Variants in SNAP29 observed in about 807,000 individuals in gnomAD.
The protein encoded by SNAP29 is synaptosome associated protein 29.
In SNAP29, 13 loss-of-function variants were observed where a neutral mutation model predicts 27.9. That is an observed-to-expected ratio of 0.47 (90% CI 0.30 to 0.74). The LOEUF (loss-of-function observed/expected upper bound fraction) is 0.74, where lower values mean the gene tolerates loss of function less well. SNAP29 is among the 30% of genes least tolerant of loss of function. SNAP29 has a pLI of 0.06. For missense variants in SNAP29, 368 were observed against 336.5 expected (o/e 1.09, Z -0.73); for synonymous variants, 119 against 127.1 (o/e 0.94, Z 0.43).
rs1929122832 is a variant in SNAP29 at position 20,890,484 on chromosome 22, G to T, written c.*2648G>T. ...CTAACTTAAAAAATAGTGGCTGGGC[G>T]CGGTGGCTCATGCCTGTAATCCCAG... On this transcript the variant is annotated 3_prime_UTR_variant, in exon 5 of 5. Transcript: ENST00000215730. 2.5e-6 allele frequency: 1 copy of T among 394,288 alleles called. No individual in the cohort carries two copies. The allele number at this position is 394,288 out of a possible 1,614,324, so 24.4% of individuals were successfully genotyped here. A position where few individuals can be genotyped will look rare whatever the true frequency, so the allele number is the denominator to read the frequency against.
chr22:20,859,480 ATGG>A (rs1928172994), intron 1 of SNAP29, 133 bp downstream of exon 1: 1 of 733,740 alleles, frequency 1.4e-6, no homozygotes, highest in Admixed American at 2.1e-5. Flanking sequence ...TAGTGACTCG[ATGG>A]TGGTAACAAT....
At chr22:20,878,687 G>C (rs1306995946) in intron 2 of SNAP29, among the ~76,000 whole-genome samples, 1 of 152,178 alleles carries the variant, frequency 6.6e-6, no homozygotes, top group African/African-American at 2.4e-5. Flanking sequence ...GCGCTGTGCA[G>C]GGGGAGGGCA....
intron 2 of SNAP29, among the ~76,000 whole-genome samples, chr22:20,878,523 C>T (rs374084633): frequency 2.0e-5 from 3 of 151,604 alleles, no homozygotes; most frequent in South Asian, 2.1e-4. Flanking sequence ...GCTTGCAGTG[C>T]GTGGAGATCA....
chr22:20,861,431 T>A (rs913935414), intron 1 of SNAP29, among the ~76,000 whole-genome samples: 7 of 151,958 alleles, frequency 4.6e-5, no homozygotes, highest in African/African-American at 1.7e-4. Context: ...TGTTTAACTG[T>A]TGGTTTTTTA....
chr22:20,878,540 T>C (rs1928804216), intron 2 of SNAP29, among the ~76,000 whole-genome samples: 2 of 151,872 alleles, frequency 1.3e-5, no homozygotes, highest in Non-Finnish European at 2.9e-5. Flanking sequence ...ATCACGCCAC[T>C]GCACTCCAGC....
Position 20,890,430 on chromosome 22 carries a change from T to A in SNAP29, c.*2594T>A, listed in dbSNP as rs1929121969. On this transcript the variant is annotated 3_prime_UTR_variant, in exon 5 of 5. Coordinates refer to ENST00000215730, the MANE Select transcript of SNAP29 (RefSeq NM_004782.4). ...GCCTTCAAAAAATGACTTTTCTAACTTAAGGTTGGTTATATGTTAAGTGTG... is the reference window on the plus strand; with the variant it reads ...GCCTTCAAAAAATGACTTTTCTAACATAAGGTTGGTTATATGTTAAGTGTG... The A allele has an allele frequency of 2.5e-6, 1 of 398,320 alleles. No homozygotes were observed. The highest frequency in any genetic ancestry group is 4.4e-6 in the Non-Finnish European group (1 of 226,010). 24.7% of individuals were successfully genotyped at this position (398,320 alleles called of 1,614,324 possible). A position where few individuals can be genotyped will look rare whatever the true frequency, so the allele number is the denominator to read the frequency against.
At chr22:20,872,534 G>A (rs1397131258) in intron 2 of SNAP29, among the ~76,000 whole-genome samples, 1 of 152,120 alleles carries the variant, frequency 6.6e-6, no homozygotes, top group Non-Finnish European at 1.5e-5. Context: ...CCGAGTAGCT[G>A]GGACTACAGG....
intron 2 of SNAP29, among the ~76,000 whole-genome samples, chr22:20,879,834 C>G (rs1449711839): frequency 1.5e-5 from 2 of 136,534 alleles, no homozygotes; most frequent in African/African-American, 5.6e-5. Flanking sequence ...CAGAGCGAGA[C>G]TCTGTCTGAA....
intron 1 of SNAP29, among the ~76,000 whole-genome samples, chr22:20,862,291 G>C (rs116989680): frequency 2.6e-5 from 4 of 152,308 alleles, no homozygotes; most frequent in Non-Finnish European, 5.9e-5. Context: ...AAATGAAGTA[G>C]GGAATCAATG....
intron 1 of SNAP29, among the ~76,000 whole-genome samples, chr22:20,862,684 G>A (rs1373078568): frequency 1.3e-5 from 2 of 152,208 alleles, no homozygotes; most frequent in African/African-American, 4.8e-5. Flanking sequence ...AGGCATATCA[G>A]GCTTGGCCAG....
chr22:20,871,845 G>A (rs939904286), intron 2 of SNAP29, among the ~76,000 whole-genome samples: 1 of 151,990 alleles, frequency 6.6e-6, no homozygotes, highest in African/African-American at 2.4e-5. Flanking sequence ...TCATGCCACT[G>A]CACTGCAGCC....
intron 2 of SNAP29, among the ~76,000 whole-genome samples, chr22:20,871,482 T>TA (rs58294079): frequency 0.1 from 6,365 of 63,766 alleles, 513 homozygotes; most frequent in African/African-American, 0.21. Flanking sequence ...TCCCTGTCTC[T>TA]AAAAAAAAAA....
At chr22:20,862,925 G>C (rs1450062633) in intron 1 of SNAP29, among the ~76,000 whole-genome samples, 1 of 152,156 alleles carries the variant, frequency 6.6e-6, no homozygotes, top group Non-Finnish European at 1.5e-5. Flanking sequence ...GTCTCACTCT[G>C]TCAACCAGGC....
intron 2 of SNAP29, among the ~76,000 whole-genome samples, chr22:20,875,118 C>G (rs1405293191): frequency 1.3e-5 from 2 of 152,106 alleles, no homozygotes; most frequent in Non-Finnish European, 2.9e-5. Flanking sequence ...TTTGGAGCAT[C>G]ATGAAAACTC....
intron 1 of SNAP29, chr22:20,859,786 G>A (rs1928199264): frequency 4.7e-6 from 1 of 214,330 alleles, no homozygotes. Flanking sequence ...GTGCCTGCGA[G>A]TGTCAGGTGA....
chr22:20,890,488 T>C lies in SNAP29; in HGVS notation c.*2652T>C. On this transcript the variant is annotated 3_prime_UTR_variant, in exon 5 of 5. Coordinates refer to ENST00000215730, the MANE Select transcript of SNAP29 (RefSeq NM_004782.4). ...CTTAAAAAATAGTGGCTGGGCGCGG[T>C]GGCTCATGCCTGTAATCCCAGTGCT... The C allele has an allele frequency of 2.5e-6, 1 of 393,954 alleles. No individual in the cohort carries two copies. Among genetic ancestry groups the C allele is most frequent in the Non-Finnish European group, 4.5e-6 (1 of 223,466 alleles). The allele number at this position is 393,954 out of a possible 1,614,324, so 24.4% of individuals were successfully genotyped here.
At chr22:20,861,337 C>A (rs1048957204) in intron 1 of SNAP29, among the ~76,000 whole-genome samples, 3 of 151,988 alleles carry the variant, frequency 2.0e-5, no homozygotes, top group Admixed American at 2.0e-4. Flanking sequence ...TGGTCTCGAT[C>A]TCTTGACCTC....
intron 2 of SNAP29, among the ~76,000 whole-genome samples, chr22:20,871,871 G>C (rs1186714870): frequency 6.6e-6 from 1 of 151,572 alleles, no homozygotes; most frequent in Non-Finnish European, 1.5e-5. Context: ...GACAGAGCAA[G>C]ACTCCGTCTC....
chr22:20,887,851 C>T lies in SNAP29; in HGVS notation c.*15C>T. 6.2e-7 allele frequency: 1 copy of T among 1,611,990 alleles called. No individual in the cohort carries two copies. Among genetic ancestry groups the T allele is most frequent in the Non-Finnish European group, 8.5e-7 (1 of 1,178,154 alleles). On this transcript the variant is annotated 3_prime_UTR_variant, in exon 5 of 5. Transcript: ENST00000215730. The stretch of plus-strand genomic sequence containing the variant: ...GACAACTCTGAAGACAGACGGATTT[C>T]CACTCTATTGTGATGAAAAGATTTG...
Sources: gnomAD v4.1 joint callset for allele counts (sites outside exome capture counted in the v4.1 genomes callset) on GRCh38, gnomAD v4.1.1 for gene constraint, MANE v1.5 for transcripts, NCBI Gene and HGNC (gene_info 2026-07-23, HGNC 2026-07-21) for gene names.